Variants in ATP13A5 observed in about 807,000 individuals in gnomAD.
ATP13A5 encodes the protein probable cation-transporting ATPase 13A5.
ATP13A5 carries 149 observed loss-of-function variants against 150.2 expected under a neutral mutation model. The ratio of observed to expected loss-of-function variants is 0.99; its 90% CI spans 0.87 to 1.14. The LOEUF is 1.14. ATP13A5 is among the 50% of genes most tolerant of loss of function. ATP13A5 has a pLI of 0.00. For synonymous variants in ATP13A5, 497 were observed against 522.2 expected (o/e 0.95, Z 0.66); for missense variants, 1,383 against 1,449.3 (o/e 0.95, Z 0.74).
At chr3:193,289,822 T>A (rs1215226478) in intron 26 of ATP13A5, 63 bp downstream of exon 26, 6 of 1,470,038 alleles carry the variant, frequency 4.1e-6, no homozygotes, top group African/African-American at 1.4e-5. Flanking sequence ...AGCCAAGTTA[T>A]GCAATGTCAT....
intron 9 of ATP13A5, among the ~76,000 whole-genome samples, chr3:193,339,329 G>A (rs996914181): frequency 1.3e-5 from 2 of 151,878 alleles, no homozygotes; most frequent in Admixed American, 1.3e-4. Context: ...GTGATGTTAG[G>A]GTGTCAACTT....
At chr3:193,373,061 T>C (rs1658069604) in intron 1 of ATP13A5, among the ~76,000 whole-genome samples, 1 of 152,220 alleles carries the variant, frequency 6.6e-6, no homozygotes, top group Admixed American at 6.5e-5. Flanking sequence ...AGTTCTTTAT[T>C]GGAGGACAAC....
chr3:193,318,305 T>C (rs959210643), intron 17 of ATP13A5, among the ~76,000 whole-genome samples: 1 of 152,228 alleles, frequency 6.6e-6, no homozygotes, highest in East Asian at 1.9e-4. Context: ...ATGTAAGAAA[T>C]AAATAGATTT....
At chr3:193,299,069 A>T in intron 25 of ATP13A5, 62 bp downstream of exon 25, 3 of 1,385,170 alleles carry the variant, frequency 2.2e-6, no homozygotes, top group South Asian at 2.6e-5. Context: ...TTTTTGTGTG[A>T]CTGTTTCTAG....
intron 12 of ATP13A5, among the ~76,000 whole-genome samples, chr3:193,327,342 C>CTGT (rs1719502304): frequency 6.6e-6 from 1 of 152,160 alleles, no homozygotes; most frequent in Non-Finnish European, 1.5e-5. Context: ...ATTGCTATGA[C>CTGT]CGTTGCTGTT....
At chr3:193,286,574 C>T (rs1026494281) in intron 26 of ATP13A5, among the ~76,000 whole-genome samples, 5 of 152,152 alleles carry the variant, frequency 3.3e-5, no homozygotes, top group African/African-American at 9.7e-5. Context: ...TGAGATGCCA[C>T]GAACTGTGCT....
At chr3:193,371,485 G>C (rs1713439196) in intron 1 of ATP13A5, among the ~76,000 whole-genome samples, 1 of 152,188 alleles carries the variant, frequency 6.6e-6, no homozygotes, top group African/African-American at 2.4e-5. Flanking sequence ...TGGGTCCTAT[G>C]CTGAGCGTCT....
At chr3:193,345,794 G>A (rs1712313646) in intron 7 of ATP13A5, among the ~76,000 whole-genome samples, 1 of 152,150 alleles carries the variant, frequency 6.6e-6, no homozygotes, top group African/African-American at 2.4e-5. Context: ...ACAAACCAAA[G>A]CTACATTTCT....
At position 193,324,873 on chromosome 3, in the gene ATP13A5, G is replaced by T; in HGVS notation, c.1665C>A (p.Gly555=). The T allele has an allele frequency of 6.2e-7, 1 of 1,613,846 alleles. No homozygotes were observed. The highest frequency in any genetic ancestry group is 2.2e-5 in the East Asian group (1 of 44,870). The change falls in exon 14 of 30, where the codon GGC becomes GGA. Residue 555 remains glycine, a synonymous_variant. Coordinates refer to ENST00000342358, the MANE Select transcript of ATP13A5 (RefSeq NM_198505.4). ...GDPLDLKMFE[G]TAWKMEDCIV... ...TAAACTATCACCTTACCCAGGCAGT[G>T]CCCTCAAACATTTTGAGGTCCAGAG... is the stretch of plus-strand genomic sequence containing the variant.
chr3:193,284,776 C>T (rs1443804255), intron 27 of ATP13A5, 138 bp downstream of exon 27: 15 of 716,464 alleles, frequency 2.1e-5, no homozygotes, highest in Middle Eastern at 4.0e-4. Context: ...CAACGATGAC[C>T]ACTGCATTCA....
intron 11 of ATP13A5, among the ~76,000 whole-genome samples, chr3:193,333,169 A>C (rs1027979412): frequency 6.7e-6 from 1 of 148,988 alleles, no homozygotes; most frequent in African/African-American, 2.5e-5. Context: ...ACACACACAC[A>C]CAAACACACA....
chr3:193,350,969 G>T, intron 7 of ATP13A5, 98 bp downstream of exon 7: 1 of 1,401,886 alleles, frequency 7.1e-7, no homozygotes. Flanking sequence ...TATGACTTAT[G>T]GTTGACAAAG....
At position 193,325,028 on chromosome 3, in the gene ATP13A5, T is replaced by C. The variant is rs1325672995; in HGVS notation, c.1524-14A>G. 1.2e-6 allele frequency: 2 copies of C among 1,607,756 alleles called. No homozygotes were observed. The highest frequency in any genetic ancestry group is 1.1e-5 in the South Asian group (1 of 90,068). The stretch of plus-strand genomic sequence containing the variant: ...GCTTCCTGGAAGCTGGTAGAGAAGG[T>C]AATGTTAAAGTCTTTGATAAAATCA... On this transcript the variant is annotated splice_polypyrimidine_tract_variant and intron_variant, in intron 13 of 29. Transcript: ENST00000342358.
chr3:193,299,591 G>C (rs1380045978), intron 24 of ATP13A5, among the ~76,000 whole-genome samples: 5 of 152,096 alleles, frequency 3.3e-5, no homozygotes, highest in African/African-American at 1.2e-4. Context: ...AATAGGCATT[G>C]CTCTCCATCC....
intron 11 of ATP13A5, among the ~76,000 whole-genome samples, chr3:193,332,787 A>C (rs1202961978): frequency 2.0e-5 from 3 of 152,100 alleles, no homozygotes; most frequent in Non-Finnish European, 4.4e-5. Context: ...GGGGTCTGGG[A>C]TTATTAGTCT....
chr3:193,305,551 T>A lies in ATP13A5; in HGVS notation c.2678+8A>T. 6.2e-7 allele frequency: 1 copy of A among 1,610,980 alleles called. No homozygotes were observed. On this transcript the variant is annotated splice_region_variant and intron_variant, in intron 23 of 29. Coordinates refer to ENST00000342358, the MANE Select transcript of ATP13A5 (RefSeq NM_198505.4). ...ATTGTAGGGCTGGAAGAGGAAAAAA[T>A]GACTTACCTGATGAGATGAGGCACA...
Position 193,287,489 on chromosome 3 carries a change from G to A in ATP13A5, c.3024-2373C>T, listed in dbSNP as rs532254010. On this transcript the variant is annotated intron_variant, in intron 26 of 29. Coordinates refer to ENST00000342358, the MANE Select transcript of ATP13A5 (RefSeq NM_198505.4). ...TTAAGGATTATGCTAACTCTACTTT[G>A]CCTGTGCTCTAGAAATGGAACAACA... Among the ~76,000 whole-genome samples, 24 of 152,166 alleles carry A rather than the reference G, an allele frequency of 1.6e-4. No individual in the cohort carries two copies. The South Asian group carries it at 5.0e-3, about 32-fold the overall frequency.
At chr3:193,276,722 C>T (rs754285666) in intron 29 of ATP13A5, 28 bp downstream of exon 29, 1 of 1,501,038 alleles carries the variant, frequency 6.7e-7, no homozygotes, top group Non-Finnish European at 9.2e-7. Context: ...TGTTTATCTT[C>T]CTAGAAAAAA....
At chr3:193,312,898 T>C (rs1457126298) in intron 19 of ATP13A5, 2 of 151,922 alleles carry the variant, frequency 1.3e-5, no homozygotes. Context: ...GAATTCCTTT[T>C]GCTTGCACTG....
Sources: gnomAD v4.1 joint callset for allele counts (sites outside exome capture counted in the v4.1 genomes callset) on GRCh38, gnomAD v4.1.1 for gene constraint, MANE v1.5 for transcripts, NCBI Gene and HGNC (gene_info 2026-07-23, HGNC 2026-07-21) for gene names.